The following NBEA variants were observed in gnomAD, a reference collection of about 807,000 sequenced individuals.
NBEA encodes neurobeachin.
Under a neutral mutation model 343.4 loss-of-function variants are expected in NBEA, and 44 were observed. That is an observed-to-expected ratio of 0.13 (90% CI 0.10 to 0.16). The LOEUF is 0.16. Among genes scored for constraint, NBEA ranks in the 10% least tolerant of loss-of-function variants. The pLI is 1.00. For synonymous variants in NBEA, 1,175 were observed against 1,238.7 expected (o/e 0.95, Z 1.08); for missense variants, 2,555 against 3,631.3 (o/e 0.70, Z 7.62).
intron 34 of NBEA, among the ~76,000 whole-genome samples, chr13:35,254,593 A>T (rs2152791678): frequency 6.6e-6 from 1 of 152,156 alleles, no homozygotes; most frequent in Non-Finnish European, 1.5e-5. Context: ...AACTGTTGAA[A>T]TTACAAGCAT....
chr13:35,289,039 G>A (rs976888335), intron 34 of NBEA, among the ~76,000 whole-genome samples: 11 of 151,852 alleles, frequency 7.2e-5, no homozygotes, highest in East Asian at 5.8e-4. Context: ...TTGTTCTGTC[G>A]GTCTGTACAA....
intron 25 of NBEA, among the ~76,000 whole-genome samples, chr13:35,170,544 A>C (rs2070382501): frequency 6.6e-6 from 1 of 151,888 alleles, no homozygotes; most frequent in Non-Finnish European, 1.5e-5. Flanking sequence ...CATTTTAAGA[A>C]ACACAATGCT....
chr13:35,310,138 G>A (rs1002074269), intron 36 of NBEA, among the ~76,000 whole-genome samples: 1 of 151,664 alleles, frequency 6.6e-6, no homozygotes, highest in East Asian at 1.9e-4. Context: ...AAAATACATT[G>A]ACATTTAGCA....
In NBEA at chr13:35,190,113, A is replaced by G. The variant is rs544672585; in HGVS notation, c.4928-5751A>G. ...CATTATAACTATTTGAACTGTATGG[A>G]ATCTTCCTGGAAAACTCCATTCACA... On this transcript the variant is annotated intron_variant, in intron 30 of 58. Transcript: ENST00000379939. 1.7e-4 allele frequency among the ~76,000 whole-genome samples: 26 copies of G among 152,218 alleles called. No homozygotes were observed. In the South Asian group the frequency reaches 4.6e-3, roughly 27 times the overall value.
In NBEA at chr13:35,339,100, A is replaced by G. The variant is rs895279682; in HGVS notation, c.5904-10008A>G. ...TTCACCCTAAGGGAAGAAGACAACAATGGCCACTAATACTAGTGCTATTCA... is the reference window on the plus strand; with the variant it reads ...TTCACCCTAAGGGAAGAAGACAACAGTGGCCACTAATACTAGTGCTATTCA... On this transcript the variant is annotated intron_variant, in intron 36 of 58. Transcript: ENST00000379939. 2.6e-5 allele frequency among the ~76,000 whole-genome samples: 4 copies of G among 152,252 alleles called. No individual in the cohort carries two copies. The East Asian group carries it at 7.7e-4, about 29-fold the overall frequency.
chr13:35,448,650 A>G (rs7990906), intron 39 of NBEA, among the ~76,000 whole-genome samples: 62,404 of 152,102 alleles, frequency 0.41, 13,078 homozygotes, highest in East Asian at 0.51. Flanking sequence ...GTGGAGTTAA[A>G]TAAGCAAGCA....
At chr13:35,040,160 A>G (rs1388439578) in intron 1 of NBEA, among the ~76,000 whole-genome samples, 1 of 152,130 alleles carries the variant, frequency 6.6e-6, no homozygotes, top group East Asian at 1.9e-4. Context: ...TTTAAGAATG[A>G]TGCTTTTAAC....
chr13:35,515,026 A>G (rs2077430043), intron 41 of NBEA, among the ~76,000 whole-genome samples: 1 of 152,238 alleles, frequency 6.6e-6, no homozygotes, highest in Non-Finnish European at 1.5e-5. Context: ...GTCACTGACA[A>G]TAATCTTCAA....
At chr13:35,457,095 ACTT>A (rs567963819) in intron 40 of NBEA, among the ~76,000 whole-genome samples, 88 of 151,994 alleles carry the variant, frequency 5.8e-4, no homozygotes, top group Middle Eastern at 6.8e-3. Context: ...TAATGTCCAC[ACTT>A]CTTCACCTGC....
chr13:35,495,500 A>G (rs995188170), intron 41 of NBEA, among the ~76,000 whole-genome samples: 2 of 152,072 alleles, frequency 1.3e-5, no homozygotes, highest in African/African-American at 2.4e-5. Context: ...ATGCTCCTCA[A>G]TTTACAAGGG....
At chr13:35,434,768 G>A (rs141808303) in intron 39 of NBEA, among the ~76,000 whole-genome samples, 233 of 152,242 alleles carry the variant, frequency 1.5e-3, no homozygotes, top group African/African-American at 5.5e-3. Flanking sequence ...ATTGACGAGA[G>A]AAATTTAGTA....
chr13:35,478,814 G>C (rs1429644245), intron 41 of NBEA, among the ~76,000 whole-genome samples: 1 of 152,194 alleles, frequency 6.6e-6, no homozygotes, highest in East Asian at 1.9e-4. Context: ...TTGCCTTCTT[G>C]GGCCACCTGC....
At chr13:35,111,164 C>T (rs750473662) in intron 13 of NBEA, among the ~76,000 whole-genome samples, 186 bp downstream of exon 13, 9 of 151,916 alleles carry the variant, frequency 5.9e-5, no homozygotes, top group African/African-American at 1.5e-4. Flanking sequence ...TAAATTATTT[C>T]GGAATAAAAT....
chr13:35,612,132 T>A (rs373280464), intron 48 of NBEA, among the ~76,000 whole-genome samples: 4 of 151,800 alleles, frequency 2.6e-5, no homozygotes, highest in Non-Finnish European at 4.4e-5. Flanking sequence ...ATTACAATAT[T>A]TTTTTTTCTT....
intron 38 of NBEA, among the ~76,000 whole-genome samples, chr13:35,414,347 A>G (rs1351050910): frequency 6.6e-6 from 1 of 152,120 alleles, no homozygotes; most frequent in Non-Finnish European, 1.5e-5. Context: ...CGTCATTTAC[A>G]TTAGGTATAT....
At chr13:35,234,863 T>C (rs1193768111) in intron 34 of NBEA, among the ~76,000 whole-genome samples, 1 of 152,218 alleles carries the variant, frequency 6.6e-6, no homozygotes, top group Admixed American at 6.5e-5. Flanking sequence ...TTCCCTCAAT[T>C]TACTTTTCCT....
chr13:34,975,626 A>G (rs1211753214), intron 1 of NBEA, among the ~76,000 whole-genome samples: 1 of 152,176 alleles, frequency 6.6e-6, no homozygotes, highest in Non-Finnish European at 1.5e-5. Context: ...CAAAAGAAAT[A>G]ATCACCAGTT....
At chr13:34,952,675 C>T (rs2059384439) in intron 1 of NBEA, among the ~76,000 whole-genome samples, 1 of 152,028 alleles carries the variant, frequency 6.6e-6, no homozygotes, top group East Asian at 1.9e-4. Flanking sequence ...TGTGATTTCT[C>T]TTTCAGTTTA....
intron 38 of NBEA, among the ~76,000 whole-genome samples, chr13:35,362,024 G>A (rs1227265816): frequency 6.6e-6 from 1 of 151,914 alleles, no homozygotes; most frequent in Non-Finnish European, 1.5e-5. Context: ...AAGTCAGAAT[G>A]TGAATTTTAC....
Sources: allele counts gnomAD v4.1 joint callset (sites outside exome capture counted in the v4.1 genomes callset), GRCh38; gene constraint gnomAD v4.1.1; transcripts MANE v1.5; gene names NCBI Gene and HGNC (gene_info 2026-07-23, HGNC 2026-07-21).